Variants in ZNF333 observed in about 807,000 individuals in gnomAD.
ZNF333 encodes the protein zinc finger protein 333.
A neutral mutation model predicts 76.1 loss-of-function variants in ZNF333; 61 were observed. That is an observed-to-expected ratio of 0.80 (90% CI 0.65 to 0.99). The LOEUF is 0.99. Ranked by LOEUF, ZNF333 falls within the 50% of genes least tolerant of loss-of-function variation. ZNF333 has a pLI of 0.00. For missense variants in ZNF333, 717 were observed against 822.4 expected, an observed-to-expected ratio of 0.87 and a Z score of 1.57; for synonymous variants, 284 against 305.0, an observed-to-expected ratio of 0.93 and a Z score of 0.72.
downstream of ZNF333, among the ~76,000 whole-genome samples, chr19:14,724,366 G>A (rs1170938603): frequency 6.6e-6 from 1 of 152,190 alleles, no homozygotes; most frequent in Non-Finnish European, 1.5e-5. Context: ...GGGAGCACAT[G>A]GTTATAACAC....
intron 4 of ZNF333, among the ~76,000 whole-genome samples, chr19:14,696,841 C>T (rs1291020415): frequency 2.0e-5 from 3 of 146,962 alleles, no homozygotes; most frequent in Admixed American, 7.1e-5. Context: ...TGGGTTCAAG[C>T]GATTCTCCTG....
At chr19:14,703,981 TTTCTCA>T (rs1326940266) in intron 5 of ZNF333, among the ~76,000 whole-genome samples, 1 of 152,154 alleles carries the variant, frequency 6.6e-6, no homozygotes, top group African/African-American at 2.4e-5. Flanking sequence ...AGAAACTTAT[TTTCTCA>T]CCCTTATGGA....
rs779565117 is a variant in ZNF333, at chr19:14,705,190, A to G, written c.423+20A>G. 1.2e-6 allele frequency: 2 copies of G among 1,607,048 alleles called. No homozygotes were observed. Among genetic ancestry groups the G allele is most frequent in the African/African-American group, 2.7e-5 (2 of 74,722 alleles). On this transcript the variant is annotated intron_variant, in intron 6 of 11. Transcript: ENST00000292530. ...TGCACGGTAAGCCTGGGAGAGGTTCACTGTGATGGCACCAGGTGCAGTCAG... is the reference window on the plus strand; with the variant it reads ...TGCACGGTAAGCCTGGGAGAGGTTCGCTGTGATGGCACCAGGTGCAGTCAG...
At chr19:14,716,344 C>A in intron 9 of ZNF333, 106 bp downstream of exon 9, 1 of 1,335,618 alleles carries the variant, frequency 7.5e-7, no homozygotes, top group Non-Finnish European at 1.0e-6. Context: ...CTGCAACCTC[C>A]GCTTCCTGGG....
At chr19:14,727,323 C>T (rs921149896) in intron 11 of ZNF333, among the ~76,000 whole-genome samples, 27 of 152,056 alleles carry the variant, frequency 1.8e-4, no homozygotes, top group Non-Finnish European at 3.5e-4. Context: ...CCACCAAGCC[C>T]GGCCCAAGAA....
intron 11 of ZNF333, among the ~76,000 whole-genome samples, chr19:14,727,655 G>T (rs1262272306): frequency 6.6e-6 from 1 of 152,180 alleles, no homozygotes; most frequent in African/African-American, 2.4e-5. Flanking sequence ...ACATTTCAGT[G>T]TGAGATTTGG....
chr19:14,728,644 C>A (rs2042648674), intron 11 of ZNF333, among the ~76,000 whole-genome samples: 1 of 152,146 alleles, frequency 6.6e-6, no homozygotes, highest in South Asian at 2.1e-4. Context: ...CCTATGACGA[C>A]AATGGAAAGG....
Position 14,690,110 on chromosome 19 carries a change from T to TGCGGCACGGC in ZNF333, c.-81_-72dup, listed in dbSNP as rs1555767876. On this transcript the variant is annotated 5_prime_UTR_variant, in exon 1 of 12. Transcript: ENST00000292530. ...AGCTGTGCTGCGCGGCGCGGCGCGG[T>TGCGGCACGGC]GCGGCACGGCACGGTGGGAGTGTCT... The TGCGGCACGGC allele has an allele frequency of 1.0e-4, 15 of 149,878 alleles. No homozygotes were observed. Among genetic ancestry groups the TGCGGCACGGC allele is most frequent in the Admixed American group, 2.0e-4 (3 of 15,088 alleles). 9.3% of individuals were successfully genotyped at this position (149,878 alleles called of 1,614,324 possible).
At chr19:14,694,940 G>A in intron 2 of ZNF333, 70 bp from the exon 3 acceptor site, 1 of 1,599,962 alleles carries the variant, frequency 6.3e-7, no homozygotes, top group Non-Finnish European at 8.6e-7. Context: ...CTCTTCTCCA[G>A]TGATAACCAG....
At chr19:14,702,214 T>C (rs2041977587) in intron 5 of ZNF333, among the ~76,000 whole-genome samples, 1 of 152,084 alleles carries the variant, frequency 6.6e-6, no homozygotes, top group Admixed American at 6.5e-5. Context: ...GGGAAACTGC[T>C]CTTAGAAGAG....
In ZNF333 at chr19:14,705,158, T is replaced by C. The variant is rs1245930376; in HGVS notation, c.411T>C (p.Ser137=). 1.2e-6 allele frequency: 2 copies of C among 1,613,358 alleles called. No individual in the cohort carries two copies. Among genetic ancestry groups the C allele is most frequent in the African/African-American group, 2.7e-5 (2 of 74,910 alleles). Residue 137 remains serine (S), a synonymous_variant, in exon 6 of 12, where the codon TCT becomes TCC. Transcript: ENST00000292530. ...CAGCTCTCCAGGAGCCGCCTTGGTC[T>C]CTGGGATGCACGGTAAGCCTGGGAG... ...DRPALQEPPW[S]LGCTGLKAAM...
chr19:14,730,204 G>A (rs573778337), intron 11 of ZNF333, among the ~76,000 whole-genome samples: 55 of 152,164 alleles, frequency 3.6e-4, no homozygotes, highest in Non-Finnish European at 6.8e-4. Flanking sequence ...ACAGGTGCCC[G>A]TGACCATGCC....
At chr19:14,697,555 C>G (rs1973307733) in intron 4 of ZNF333, among the ~76,000 whole-genome samples, 1 of 151,792 alleles carries the variant, frequency 6.6e-6, no homozygotes, top group Non-Finnish European at 1.5e-5. Context: ...AGAGACCATT[C>G]TTCCTATGTT....
At chr19:14,700,637 T>G (rs1448387085) in intron 5 of ZNF333, among the ~76,000 whole-genome samples, 1 of 152,102 alleles carries the variant, frequency 6.6e-6, no homozygotes, top group Non-Finnish European at 1.5e-5. Context: ...GCCCTGAATT[T>G]CCTCCGCCTC....
chr19:14,711,807 C>G (rs949292494), intron 7 of ZNF333, among the ~76,000 whole-genome samples: 1 of 152,068 alleles, frequency 6.6e-6, no homozygotes, highest in African/African-American at 2.4e-5. Context: ...CTTATTCTTA[C>G]AAAGCTTCCA....
chr19:14,713,985 A>G (rs893079067), intron 7 of ZNF333, among the ~76,000 whole-genome samples: 1 of 151,910 alleles, frequency 6.6e-6, no homozygotes, highest in African/African-American at 2.4e-5. Context: ...CCCAGGAGAG[A>G]TTGGATGATG....
chr19:14,725,062 C>G (rs1001893097), downstream of ZNF333, among the ~76,000 whole-genome samples: 1 of 152,200 alleles, frequency 6.6e-6, no homozygotes, highest in African/African-American at 2.4e-5. Context: ...TGGCACCAGC[C>G]TCTGCTCAGC....
chr19:14,691,985 T>C (rs1972808692), intron 1 of ZNF333, among the ~76,000 whole-genome samples: 1 of 152,102 alleles, frequency 6.6e-6, no homozygotes, highest in South Asian at 2.1e-4. Flanking sequence ...CCTCATACTG[T>C]GTTTTGTGTG....
In ZNF333 at chr19:14,718,725, G is replaced by A; in HGVS notation, c.1398G>A (p.Arg466=). 6.2e-7 allele frequency: 1 copy of A among 1,614,012 alleles called. No individual in the cohort carries two copies. The highest frequency in any genetic ancestry group is 8.5e-7 in the Non-Finnish European group (1 of 1,180,010). Residue 466 remains arginine, a synonymous_variant, in exon 12 of 12, where the codon AGG becomes AGA. Transcript: ENST00000292530. ...GKAFNQPSSL[R]SHVRTHTGEK... is the part of the protein sequence containing the mutation. ...CCTTCAATCAGCCATCATCCCTCAG[G>A]AGCCACGTGAGAACTCACACTGGAG...
Sources: allele counts gnomAD v4.1 joint callset (sites outside exome capture counted in the v4.1 genomes callset), GRCh38; gene constraint gnomAD v4.1.1; transcripts MANE v1.5; gene names NCBI Gene and HGNC (gene_info 2026-07-23, HGNC 2026-07-21).